The following SUGCT variants were observed in gnomAD, a reference collection of about 807,000 sequenced individuals.
SUGCT encodes the protein succinyl-CoA:glutarate CoA-transferase.
In SUGCT, 41 loss-of-function variants were observed where a neutral mutation model predicts 55.0. That is an observed-to-expected ratio of 0.74 (90% CI 0.58 to 0.97). The LOEUF (loss-of-function observed/expected upper bound fraction) is 0.97. Ranked by LOEUF, SUGCT falls within the 50% of genes least tolerant of loss-of-function variation. SUGCT has a pLI of 0.00. For missense variants in SUGCT, 568 were observed against 547.8 expected (o/e 1.04, Z -0.37); for synonymous variants, 187 against 200.4 (o/e 0.93, Z 0.56).
chr7:40,196,502 A>G (rs1442378235), intron 6 of SUGCT, among the ~76,000 whole-genome samples: 3 of 152,128 alleles, frequency 2.0e-5, no homozygotes, highest in Non-Finnish European at 2.9e-5. Flanking sequence ...GTTTTTGGTA[A>G]TTGAGTCTGG....
At chr7:40,640,165 A>G (rs933247476) in intron 12 of SUGCT, among the ~76,000 whole-genome samples, 6 of 152,208 alleles carry the variant, frequency 3.9e-5, no homozygotes, top group African/African-American at 1.2e-4. Flanking sequence ...CAAGTCAGAA[A>G]AATCAAACAA....
chr7:40,587,904 T>G (rs1045463398), intron 12 of SUGCT, among the ~76,000 whole-genome samples: 2 of 129,900 alleles, frequency 1.5e-5, no homozygotes, highest in East Asian at 2.0e-4. Context: ...TTTCTTTCTG[T>G]TTTTTTTTTT....
chr7:40,949,158 G>A, the SUGCT span, among the ~76,000 whole-genome samples: 1 of 152,168 alleles, frequency 6.6e-6, no homozygotes, highest in Non-Finnish European at 1.5e-5. Flanking sequence ...TAACTGGTGT[G>A]AGATGGTATC....
intron 12 of SUGCT, among the ~76,000 whole-genome samples, chr7:40,728,062 C>T (rs566980403): frequency 1.3e-5 from 2 of 151,964 alleles, no homozygotes; most frequent in Non-Finnish European, 2.9e-5. Flanking sequence ...AAAATTATCT[C>T]CTTAAAAAAG....
chr7:40,461,279 G>A (rs938038584), intron 11 of SUGCT, among the ~76,000 whole-genome samples: 1 of 152,140 alleles, frequency 6.6e-6, no homozygotes, highest in African/African-American at 2.4e-5. Context: ...ATTATATGAT[G>A]TGTGTTTTTC....
chr7:40,498,255 TCTAA>T (rs749104956), intron 12 of SUGCT, among the ~76,000 whole-genome samples: 22 of 152,198 alleles, frequency 1.4e-4, no homozygotes, highest in Non-Finnish European at 2.5e-4. Flanking sequence ...CCAGATGACA[TCTAA>T]CTGTGATGAC....
intron 13 of SUGCT, among the ~76,000 whole-genome samples, chr7:40,752,039 GC>G (rs1284614852): frequency 8.5e-5 from 13 of 152,328 alleles, no homozygotes; most frequent in Middle Eastern, 3.4e-3. Flanking sequence ...TCACAAGAAT[GC>G]TGTGTAAGAA....
intron 12 of SUGCT, among the ~76,000 whole-genome samples, chr7:40,498,142 A>G (rs1463486006): frequency 6.6e-6 from 1 of 152,196 alleles, no homozygotes; most frequent in Non-Finnish European, 1.5e-5. Context: ...GAGAAAATTT[A>G]TATTACCTAA....
the SUGCT span, among the ~76,000 whole-genome samples, chr7:40,937,017 A>G: frequency 6.6e-6 from 1 of 152,088 alleles, no homozygotes; most frequent in Admixed American, 6.5e-5. Flanking sequence ...ATGCCCTACC[A>G]TGTTCTTTCC....
intron 12 of SUGCT, among the ~76,000 whole-genome samples, chr7:40,594,846 C>G (rs1207794151): frequency 6.6e-6 from 1 of 152,188 alleles, no homozygotes; most frequent in Non-Finnish European, 1.5e-5. Context: ...AAAGCCCCAT[C>G]TGCTCGGCTT....
At chr7:40,378,486 CT>C (rs893020196) in intron 9 of SUGCT, among the ~76,000 whole-genome samples, 9 of 151,726 alleles carry the variant, frequency 5.9e-5, no homozygotes, top group African/African-American at 2.2e-4. Flanking sequence ...ACCTTTTTTT[CT>C]TTTCAGATGG....
intron 12 of SUGCT, among the ~76,000 whole-genome samples, chr7:40,641,569 G>T (rs1800270363): frequency 6.6e-6 from 1 of 152,136 alleles, no homozygotes; most frequent in Non-Finnish European, 1.5e-5. Context: ...ACACATTGCT[G>T]ATGTTTTGGA....
intron 7 of SUGCT, among the ~76,000 whole-genome samples, chr7:40,272,617 G>C (rs1287021534): frequency 1.3e-5 from 2 of 150,962 alleles, no homozygotes; most frequent in African/African-American, 4.9e-5. Flanking sequence ...TATCTACCCA[G>C]CTGTGGAATT....
At chr7:40,396,278 A>C (rs946714875) in intron 9 of SUGCT, among the ~76,000 whole-genome samples, 2 of 152,202 alleles carry the variant, frequency 1.3e-5, no homozygotes, top group African/African-American at 4.8e-5. Context: ...TAGTTTTATC[A>C]TCTATAAAAT....
chr7:40,754,540 T>G (rs542706629), intron 13 of SUGCT, among the ~76,000 whole-genome samples: 1 of 152,320 alleles, frequency 6.6e-6, no homozygotes, highest in East Asian at 1.9e-4. Flanking sequence ...GAGCTTATGC[T>G]TGGCCAGGGA....
In SUGCT at chr7:40,770,956, G is replaced by A. The variant is rs181452199; in HGVS notation, c.1153+21459G>A. ...GATCACTTTATGGCCTAGCACAGTA[G>A]CTATTAAAATGTATTTATAGTGAAT... On this transcript the variant is annotated intron_variant, in intron 13 of 13. Coordinates refer to ENST00000335693, the MANE Select transcript of SUGCT (RefSeq NM_001193313.2). Among the ~76,000 whole-genome samples, 478 of 152,252 alleles carry A rather than the reference G, an allele frequency of 3.1e-3. 2 individuals carry two copies. Among genetic ancestry groups the A allele is most frequent in the African/African-American group, 0.011 (460 of 41,556 alleles).
chr7:40,338,558 C>T (rs1796852466), intron 9 of SUGCT, among the ~76,000 whole-genome samples: 1 of 152,198 alleles, frequency 6.6e-6, no homozygotes, highest in African/African-American at 2.4e-5. Context: ...GAAGCTTGTG[C>T]ATTCATCACC....
intron 12 of SUGCT, among the ~76,000 whole-genome samples, chr7:40,520,622 T>C (rs1485719543): frequency 6.6e-6 from 1 of 152,124 alleles, no homozygotes; most frequent in Non-Finnish European, 1.5e-5. Context: ...TTTGCTACAA[T>C]AGGAGGAAGA....
chr7:40,300,430 G>T (rs1245815919), intron 8 of SUGCT, among the ~76,000 whole-genome samples: 7 of 152,132 alleles, frequency 4.6e-5, no homozygotes, highest in Non-Finnish European at 1.5e-5. Flanking sequence ...GTGGTTAAAG[G>T]GTGAATGGAA....
Sources: allele counts gnomAD v4.1 joint callset (sites outside exome capture counted in the v4.1 genomes callset), GRCh38; gene constraint gnomAD v4.1.1; transcripts MANE v1.5; gene names NCBI Gene and HGNC (gene_info 2026-07-23, HGNC 2026-07-21).